Variants in COQ4 observed in about 807,000 individuals in gnomAD.
The protein encoded by COQ4 is ubiquinone biosynthesis protein COQ4 homolog, mitochondrial.
In COQ4, 36 loss-of-function variants were observed where a neutral mutation model predicts 30.2. The observed-to-expected ratio is 1.19, with a 90% confidence interval of 0.91 to 1.57. The LOEUF (loss-of-function observed/expected upper bound fraction) is 1.57. Among genes scored for constraint, COQ4 ranks in the 40% most tolerant of loss-of-function variants. The pLI, the probability that COQ4 is intolerant of heterozygous loss-of-function variation, is 0.00. For synonymous variants in COQ4, 197 were observed against 161.0 expected (o/e 1.22, Z -1.69); for missense variants, 369 against 371.9 (o/e 0.99, Z 0.07).
intron 4 of COQ4, chr9:128,326,229 A>T: frequency 2.1e-6 from 1 of 483,350 alleles, no homozygotes; most frequent in East Asian, 3.8e-5. Context: ...AAACTTGCTA[A>T]TTCCACATAA....
intron 3 of COQ4, among the ~76,000 whole-genome samples, 197 bp from the exon 4 acceptor site, chr9:128,325,582 G>C (rs895342742): frequency 6.6e-6 from 1 of 152,204 alleles, no homozygotes; most frequent in African/African-American, 2.4e-5. Context: ...TGCCGAGATT[G>C]TACCCCTGCC....
intron 4 of COQ4, chr9:128,330,877 G>T (rs1832396501): frequency 6.9e-6 from 1 of 145,590 alleles, no homozygotes; most frequent in South Asian, 2.1e-4. Flanking sequence ...TCACTCTGTA[G>T]CCCAGGCTGG....
intron 2 of COQ4, 36 bp downstream of exon 2, chr9:128,323,183 C>T: frequency 6.5e-7 from 1 of 1,543,844 alleles, no homozygotes; most frequent in Non-Finnish European, 8.7e-7. Flanking sequence ...GTGGGGGCGG[C>T]TTGGAGCCGT....
At chr9:128,326,927 T>C (rs1421717353) in intron 4 of COQ4, among the ~76,000 whole-genome samples, 1 of 151,682 alleles carries the variant, frequency 6.6e-6, no homozygotes, top group Non-Finnish European at 1.5e-5. Flanking sequence ...TTTTGTACTT[T>C]TAGTAGAGAG....
At chr9:128,333,071 A>G in intron 6 of COQ4, 128 bp downstream of exon 6, 2 of 731,300 alleles carry the variant, frequency 2.7e-6, no homozygotes, top group Non-Finnish European at 4.9e-6. Context: ...TTCTCCAGGA[A>G]GTAAGGGTAG....
chr9:128,323,017 A>G lies in COQ4; in HGVS notation c.72A>G (p.Glu24=). The G allele has an allele frequency of 5.6e-6, 9 of 1,611,676 alleles. No individual in the cohort carries two copies. The highest frequency in any genetic ancestry group is 7.6e-6 in the Non-Finnish European group (9 of 1,179,752). Residue 24 remains glutamate (E), a splice_region_variant and synonymous_variant, in exon 2 of 7, where the codon GAA becomes GAG. Transcript: ENST00000300452. ...CTCGGCCTTTTTCTTGCCCCGCAGA[A>G]ATGCCCCTCCGGGCTAGGAGCGACG... The part of the protein sequence containing the change: ...GLPGLQRPAA[E]MPLRARSDGA...
chr9:128,322,940 C>G lies in COQ4; in HGVS notation c.70+12C>G. The G allele has an allele frequency of 6.2e-7, 1 of 1,602,988 alleles. No individual in the cohort carries two copies. The highest frequency in any genetic ancestry group is 1.1e-5 in the South Asian group (1 of 90,848). ...GCGGCCTGCGGCAGGCAAGTGGCGC[C>G]GGGTTCTGGGCGCAGGCGGGAAGGA... is the stretch of plus-strand genomic sequence containing the variant. On this transcript the variant is annotated intron_variant, in intron 1 of 6. Coordinates refer to ENST00000300452, the MANE Select transcript of COQ4 (RefSeq NM_016035.5).
intron 6 of COQ4, among the ~76,000 whole-genome samples, chr9:128,333,193 A>G (rs1201144516): frequency 1.3e-5 from 2 of 152,146 alleles, no homozygotes; most frequent in African/African-American, 4.8e-5. Context: ...GCCTAAGTGC[A>G]TGGTCAGAAT....
At chr9:128,333,254 G>C (rs997025977) in intron 6 of COQ4, among the ~76,000 whole-genome samples, 1 of 152,262 alleles carries the variant, frequency 6.6e-6, no homozygotes, top group South Asian at 2.1e-4. Flanking sequence ...GAGTGAGGGA[G>C]CCATGATTTA....
intron 4 of COQ4, among the ~76,000 whole-genome samples, chr9:128,329,813 C>T (rs1320601047): frequency 6.6e-6 from 1 of 152,210 alleles, no homozygotes; most frequent in Non-Finnish European, 1.5e-5. Flanking sequence ...ACACAGCAGG[C>T]TAAGGCCATT....
intron 2 of COQ4, 154 bp downstream of exon 2, chr9:128,323,301 A>G (rs1832248614): frequency 1.3e-6 from 1 of 748,972 alleles, no homozygotes; most frequent in East Asian, 2.9e-5. Context: ...ATCCCACCTA[A>G]ACGCACTGAA....
chr9:128,323,748 T>C (rs1229009129), intron 2 of COQ4, among the ~76,000 whole-genome samples: 1 of 151,960 alleles, frequency 6.6e-6, no homozygotes, highest in Non-Finnish European at 1.5e-5. Flanking sequence ...AGCTGAGGAG[T>C]TTGAAACCAG....
At chr9:128,326,273 T>A (rs1414186583) in intron 4 of COQ4, 1 of 355,682 alleles carries the variant, frequency 2.8e-6, no homozygotes, top group African/African-American at 2.1e-5. Context: ...CAATCCCAGA[T>A]CATGCTCTTC....
chr9:128,328,088 G>A (rs77135581), intron 4 of COQ4, among the ~76,000 whole-genome samples: 4,337 of 152,324 alleles, frequency 0.028, 183 homozygotes, highest in African/African-American at 0.099. Context: ...GGCCCCTTGT[G>A]TTTAGGAAAA....
At chr9:128,327,882 G>A (rs746710899) in intron 4 of COQ4, among the ~76,000 whole-genome samples, 2 of 152,222 alleles carry the variant, frequency 1.3e-5, no homozygotes, top group East Asian at 3.8e-4. Context: ...CTGCCTTTGT[G>A]GAACTTACAT....
At chr9:128,332,515 T>C (rs1307138016) in intron 5 of COQ4, 3 of 594,368 alleles carry the variant, frequency 5.0e-6, no homozygotes, top group Non-Finnish European at 8.9e-6. Context: ...CTGGTGTCTT[T>C]TTAGGCTTTA....
At chr9:128,325,746 A>G (rs1564390795) in intron 3 of COQ4, 33 bp from the exon 4 acceptor site, 1 of 1,568,348 alleles carries the variant, frequency 6.4e-7, no homozygotes, top group Non-Finnish European at 8.8e-7. Context: ...ACCTTTGCCC[A>G]CACCCTCCCA....
chr9:128,324,106 C>A (rs944915266), intron 2 of COQ4, among the ~76,000 whole-genome samples: 1 of 152,118 alleles, frequency 6.6e-6, no homozygotes, highest in Non-Finnish European at 1.5e-5. Context: ...GCCTCAGCCT[C>A]CTGAGTAGCT....
chr9:128,323,322 A>AATCTGC (rs1243803482), intron 2 of COQ4, 175 bp downstream of exon 2: 2 of 656,572 alleles, frequency 3.0e-6, no homozygotes, highest in South Asian at 4.2e-5. Context: ...TCTGAATCTG[A>AATCTGC]ATCTGCAGTG....
Sources: allele counts gnomAD v4.1 joint callset (sites outside exome capture counted in the v4.1 genomes callset), GRCh38; gene constraint gnomAD v4.1.1; transcripts MANE v1.5; gene names NCBI Gene and HGNC (gene_info 2026-07-23, HGNC 2026-07-21).